Variants in ZNF469 observed in about 807,000 individuals in gnomAD.
ZNF469 encodes zinc finger protein 469.
Under a neutral mutation model 1.0 loss-of-function variants are expected in ZNF469, and 1 was observed. The ratio of observed to expected loss-of-function variants is 1.00; its 90% CI spans 0.35 to 4.73. The LOEUF (loss-of-function observed/expected upper bound fraction) is 4.73. Among genes scored for constraint, ZNF469 ranks in the 30% most tolerant of loss-of-function variants. ZNF469 has a pLI of 0.16. For missense variants in ZNF469, 6,100 were observed against 5,356.3 expected (o/e 1.14, Z -4.33); for synonymous variants, 2,703 against 2,363.4 (o/e 1.14, Z -4.17).
the ZNF469 span, among the ~76,000 whole-genome samples, chr16:88,103,980 C>T: frequency 2.0e-5 from 3 of 152,054 alleles, no homozygotes; most frequent in Admixed American, 6.5e-5. Flanking sequence ...AGCTGCAGTG[C>T]GTGTGACAGT....
chr16:88,189,055 G>T, the ZNF469 span, among the ~76,000 whole-genome samples: 221 of 152,174 alleles, frequency 1.5e-3, 4 homozygotes, highest in African/African-American at 5.2e-3. This position sits in a 1 kb window ranked among gnomAD's most constrained non-coding sequence, Gnocchi z 4.3. Context: ...AGGGGAGGAT[G>T]TCTCACTAAA....
chr16:88,193,240 G>A, the ZNF469 span, among the ~76,000 whole-genome samples: 6 of 137,460 alleles, frequency 4.4e-5, no homozygotes, highest in South Asian at 2.6e-4. Context: ...GGGGATGGTG[G>A]TGGTGGTGAT....
chr16:88,322,700 C>T, the ZNF469 span, among the ~76,000 whole-genome samples: 1 of 152,320 alleles, frequency 6.6e-6, no homozygotes, highest in South Asian at 2.1e-4. Context: ...GTCGCCCTTG[C>T]CTTGAGCTCT....
chr16:88,300,836 G>A, the ZNF469 span, among the ~76,000 whole-genome samples: 4 of 152,074 alleles, frequency 2.6e-5, no homozygotes, highest in African/African-American at 4.8e-5. Context: ...AGGCCAAGGC[G>A]GTTGGATCAC....
the ZNF469 span, among the ~76,000 whole-genome samples, chr16:88,227,923 AC>A: frequency 6.6e-6 from 1 of 151,956 alleles, no homozygotes; most frequent in Non-Finnish European, 1.5e-5. Context: ...TCACAGGTGC[AC>A]CCCGCCAGGC....
At chr16:88,204,252 G>A in the ZNF469 span, among the ~76,000 whole-genome samples, 25 of 151,888 alleles carry the variant, frequency 1.6e-4, no homozygotes, top group African/African-American at 4.4e-4. Context: ...AGCGGGAGGC[G>A]CACCATAACC....
At chr16:88,253,234 T>A in the ZNF469 span, among the ~76,000 whole-genome samples, 2 of 152,218 alleles carry the variant, frequency 1.3e-5, no homozygotes, top group Non-Finnish European at 2.9e-5. Context: ...TACCTAGGAA[T>A]TGAAATGAGG....
At chr16:88,209,139 G>A in the ZNF469 span, among the ~76,000 whole-genome samples, 1 of 151,590 alleles carries the variant, frequency 6.6e-6, no homozygotes, top group South Asian at 2.1e-4. Flanking sequence ...ACTTAACCTG[G>A]TTCCACAAAA....
At chr16:88,231,342 A>G in the ZNF469 span, among the ~76,000 whole-genome samples, 1 of 152,176 alleles carries the variant, frequency 6.6e-6, no homozygotes, top group Non-Finnish European at 1.5e-5. This position sits in a 1 kb window ranked among gnomAD's most constrained non-coding sequence, Gnocchi z 4.5. Flanking sequence ...ACCCTGTGAA[A>G]GAGAAGCCCC....
chr16:88,242,233 C>T, the ZNF469 span, among the ~76,000 whole-genome samples: 1 of 152,240 alleles, frequency 6.6e-6, no homozygotes, highest in Admixed American at 6.5e-5. Flanking sequence ...GGCTTCTCAT[C>T]AGCGGCTTCT....
At chr16:88,194,965 G>A in the ZNF469 span, 2 of 152,234 alleles carry the variant, frequency 1.3e-5, no homozygotes, top group African/African-American at 2.4e-5. Context: ...GCGTGTTGCT[G>A]GGCTGTGGAC....
chr16:88,252,725 C>T, the ZNF469 span, among the ~76,000 whole-genome samples: 1 of 152,152 alleles, frequency 6.6e-6, no homozygotes, highest in Non-Finnish European at 1.5e-5. Flanking sequence ...TGAAGCATAA[C>T]TTACAGTAAT....
At position 88,418,973 on chromosome 16, in the gene ZNF469, C is replaced by T. The variant is rs140798303; in HGVS notation, c.-191-5834C>T. Among the ~76,000 whole-genome samples the T allele has an allele frequency of 3.4e-3, 518 of 152,336 alleles. 4 individuals carry two copies. Among genetic ancestry groups the T allele is most frequent in the Non-Finnish European group, 6.4e-3 (435 of 68,026 alleles). ...TTTTCTCCTGGGCTGCTCGGCTCCA[C>T]CAGGGTTTGGGGTGAGCCTGGCCGC... is the stretch of plus-strand genomic sequence containing the variant. On this transcript the variant is annotated intron_variant, in intron 1 of 2. Coordinates refer to ENST00000565624, the MANE Select transcript of ZNF469 (RefSeq NM_001367624.2).
the ZNF469 span, among the ~76,000 whole-genome samples, chr16:88,190,272 C>G: frequency 2.0e-5 from 3 of 152,118 alleles, no homozygotes; most frequent in African/African-American, 7.2e-5. Context: ...AATTTCAGGC[C>G]GAATATTGTC....
chr16:88,287,032 T>C, the ZNF469 span, among the ~76,000 whole-genome samples: 3 of 152,218 alleles, frequency 2.0e-5, no homozygotes, highest in Admixed American at 2.0e-4. Flanking sequence ...TATTTACAGT[T>C]CTACCCTATA....
chr16:88,289,217 T>G, the ZNF469 span, among the ~76,000 whole-genome samples: 1 of 119,512 alleles, frequency 8.4e-6, no homozygotes, highest in Non-Finnish European at 1.7e-5. Flanking sequence ...ATGGTGGTGA[T>G]GATGAGGGTG....
At chr16:88,167,504 C>A in the ZNF469 span, among the ~76,000 whole-genome samples, 1 of 152,180 alleles carries the variant, frequency 6.6e-6, no homozygotes, top group Non-Finnish European at 1.5e-5. Context: ...GCTGCTTGAC[C>A]GCCACTGCCC....
chr16:88,114,218 T>C, the ZNF469 span, among the ~76,000 whole-genome samples: 2 of 146,142 alleles, frequency 1.4e-5, 1 homozygote, highest in Admixed American at 1.4e-4. Context: ...TGCGGGGGTC[T>C]CCGGGGAGAA....
At chr16:88,319,229 C>T in the ZNF469 span, among the ~76,000 whole-genome samples, 1 of 152,108 alleles carries the variant, frequency 6.6e-6, no homozygotes, top group African/African-American at 2.4e-5. Context: ...TTGGCCTCAC[C>T]TCCGAGGGGG....
Sources: gnomAD v4.1 joint callset for allele counts (sites outside exome capture counted in the v4.1 genomes callset) on GRCh38, gnomAD v4.1.1 for gene constraint, Gnocchi (gnomAD v3.1) non-coding constraint, MANE v1.5 for transcripts, NCBI Gene and HGNC (gene_info 2026-07-23, HGNC 2026-07-21) for gene names.